FMNL1: variants seen among roughly 807,000 people sequenced by gnomAD.
The protein encoded by FMNL1 is formin-like protein 1.
A neutral mutation model predicts 121.3 loss-of-function variants in FMNL1; 43 were observed. That is an observed-to-expected ratio of 0.35 (90% CI 0.28 to 0.46). The LOEUF is 0.46. Among genes scored for constraint, FMNL1 ranks in the 20% least tolerant of loss-of-function variants. The pLI is 1.00. For missense variants in FMNL1, 1,191 were observed against 1,482.4 expected, an observed-to-expected ratio of 0.80 and a Z score of 3.23; for synonymous variants, 613 against 613.5, an observed-to-expected ratio of 1.00 and a Z score of 0.01.
intron 1 of FMNL1, among the ~76,000 whole-genome samples, chr17:45,228,951 G>T (rs2043384263): frequency 6.6e-6 from 1 of 152,208 alleles, no homozygotes; most frequent in Non-Finnish European, 1.5e-5. Context: ...TGTCTCTGTG[G>T]GGTGGGGGTG....
intron 10 of FMNL1, 134 bp downstream of exon 10, chr17:45,238,772 G>C: frequency 8.2e-7 from 1 of 1,221,364 alleles, no homozygotes; most frequent in East Asian, 2.4e-5. Context: ...GTAGGGGAAG[G>C]GTGGATGTTG....
At chr17:45,222,873 G>C (rs941872777) in intron 1 of FMNL1, among the ~76,000 whole-genome samples, 1 of 152,156 alleles carries the variant, frequency 6.6e-6, no homozygotes, top group African/African-American at 2.4e-5. Context: ...GGGTCAGGAC[G>C]GGTGGGTCGC....
chr17:45,233,840 AC>A lies in FMNL1; in HGVS notation c.485+112del, dbSNP rs1308269826. ...GTTTCAAGCCAGGCAGCCCGAGCCT[AC>A]CCTGGAACCCTCCACTTGGCCTTGA... On this transcript the variant is annotated intron_variant, in intron 5 of 26. Transcript: ENST00000331495. The surrounding 1 kb of genome is among the most constrained non-coding windows in gnomAD (Gnocchi z 4.1). 1 of 1,436,086 alleles carries A rather than the reference AC, an allele frequency of 7.0e-7. No individual in the cohort carries two copies. Among genetic ancestry groups the A allele is most frequent in the East Asian group, 2.4e-5 (1 of 40,904 alleles). 89.0% of individuals were successfully genotyped at this position (1,436,086 alleles called of 1,614,324 possible).
At chr17:45,230,927 G>T (rs1168725236) in intron 2 of FMNL1, among the ~76,000 whole-genome samples, 1 of 152,108 alleles carries the variant, frequency 6.6e-6, no homozygotes, top group Admixed American at 6.5e-5. Flanking sequence ...CTTCAGAGGA[G>T]CTGGCAGAGC....
rs1340627486 is a variant in FMNL1, at chr17:45,246,537, G to A, written c.3244G>A (p.Gly1082Ser). ...GACGGTGCCCTTCACGGCCCGCACC[G>A]GCAAGCGGACATCCCGGCTCCTCTG... The part of the protein sequence containing the change: ...IKTVPFTART[G>S]KRTSRLLCEA... Residue 1082 changes from glycine (G) to serine (S), a missense_variant, in exon 26 of 27, where the codon GGC becomes AGC. Gly to Ser is a moderately conservative substitution (Grantham distance 56). This residue lies in a region of FMNL1 where 367 missense variants were observed against 528.6 expected (regional missense o/e 0.69). Transcript: ENST00000331495. The A allele has an allele frequency of 2.0e-5, 33 of 1,613,600 alleles. No homozygotes were observed. Among genetic ancestry groups the A allele is most frequent in the Non-Finnish European group, 2.5e-5 (30 of 1,179,710 alleles).
Position 45,244,871 on chromosome 17 carries a change from A to G in FMNL1, c.2570A>G (p.Tyr857Cys), listed in dbSNP as rs1329541247. The G allele has an allele frequency of 6.2e-7, 1 of 1,613,826 alleles. No homozygotes were observed. The highest frequency in any genetic ancestry group is 1.7e-5 in the Admixed American group (1 of 60,012). The change falls in exon 20 of 27, where the codon TAT becomes TGT. Residue 857 changes from tyrosine (Y) to cysteine (C), a missense_variant. Physicochemically the swap from Tyr to Cys is radical, Grantham distance 194. Coordinates refer to ENST00000331495, the MANE Select transcript of FMNL1 (RefSeq NM_005892.4). ...YMNSSKRGAAYGFRLQSLDAL... is the reference protein window; with the variant it reads ...YMNSSKRGAACGFRLQSLDAL... ...AACAGTAGCAAGCGTGGGGCAGCCT[A>G]TGGCTTCCGGCTCCAGAGCCTGGAT...
At position 45,222,170 on chromosome 17, in the gene FMNL1, G is replaced by A. The variant is rs1288897757; in HGVS notation, c.46G>A (p.Ala16Thr). The A allele has an allele frequency of 1.6e-6, 2 of 1,217,944 alleles. No individual in the cohort carries two copies. Among genetic ancestry groups the A allele is most frequent in the African/African-American group, 1.6e-5 (1 of 62,290 alleles). 75.4% of individuals were successfully genotyped at this position (1,217,944 alleles called of 1,614,324 possible). The change falls in exon 1 of 27, where the codon GCG becomes ACG. Residue 16 changes from alanine to threonine, a missense_variant. By Grantham distance (58) the Ala-to-Thr change is moderately conservative. Transcript: ENST00000331495. ...GSAEQPAGPA[A>T]PPPKQPAPPK... ...CGCCGAGCAGCCCGCGGGCCCCGCC[G>A]CGCCGCCCCCCAAGCAGCCCGCGCC...
Position 45,241,690 on chromosome 17 carries a change from A to C in FMNL1, c.1585+56A>C. 3 of 1,452,338 alleles carry C rather than the reference A, an allele frequency of 2.1e-6. No individual in the cohort carries two copies. The highest frequency in any genetic ancestry group is 2.7e-6 in the Non-Finnish European group (3 of 1,107,400). The allele number at this position is 1,452,338 out of a possible 1,614,324, so 90.0% of individuals were successfully genotyped here. A position where few individuals can be genotyped will look rare whatever the true frequency, so the allele number is the denominator to read the frequency against. On this transcript the variant is annotated intron_variant, in intron 14 of 26. Coordinates refer to ENST00000331495, the MANE Select transcript of FMNL1 (RefSeq NM_005892.4). This position sits in a 1 kb window ranked among gnomAD's most constrained non-coding sequence, Gnocchi z 7.0. ...CGGGGCAGGGTCTGGAGGGGAGCCC[A>C]GGGGCATCTGTGGCGGGCAGAGTTG...
In FMNL1 at chr17:45,233,130, G is replaced by T; in HGVS notation, c.328-94G>T. 7.9e-7 allele frequency: 1 copy of T among 1,269,228 alleles called. No homozygotes were observed. 78.6% of individuals were successfully genotyped at this position (1,269,228 alleles called of 1,614,324 possible). The stretch of plus-strand genomic sequence containing the variant: ...TGAAAGGCCACTTGTGCCAGTTGGA[G>T]GAGGGTGGGCGCTGCTGCCTGCTGC... On this transcript the variant is annotated intron_variant, in intron 3 of 26. Coordinates refer to ENST00000331495, the MANE Select transcript of FMNL1 (RefSeq NM_005892.4). This position sits in a 1 kb window ranked among gnomAD's most constrained non-coding sequence, Gnocchi z 4.1.
rs77496285 is a variant in FMNL1 at position 45,237,273 on chromosome 17, C to T, written c.724-8C>T. 3,274 of 1,614,178 alleles carry T rather than the reference C, an allele frequency of 2.0e-3. 79 individuals carry two copies. In the Admixed American group the frequency reaches 0.031, roughly 15 times the overall value. On this transcript the variant is annotated splice_polypyrimidine_tract_variant and splice_region_variant and intron_variant, in intron 7 of 26. Coordinates refer to ENST00000331495, the MANE Select transcript of FMNL1 (RefSeq NM_005892.4). This position sits in a 1 kb window ranked among gnomAD's most constrained non-coding sequence, Gnocchi z 4.4. ...TCCTGGAGACACTGACCTCTCCTCT[C>T]TCCCCAGTCTGGCTTCAGCCTTGTC...
Position 45,233,957 on chromosome 17 carries a change from C to T in FMNL1, c.486-115C>T. On this transcript the variant is annotated intron_variant, in intron 5 of 26. Coordinates refer to ENST00000331495, the MANE Select transcript of FMNL1 (RefSeq NM_005892.4). This position sits in a 1 kb window ranked among gnomAD's most constrained non-coding sequence, Gnocchi z 4.1. ...CAGCACAGTGCCAAGAACACAGCCT[C>T]CTCCTCCTGCTCCTTAGTCTCACCT... 4 of 1,455,730 alleles carry T rather than the reference C, an allele frequency of 2.7e-6. No individual in the cohort carries two copies. Among genetic ancestry groups the T allele is most frequent in the Non-Finnish European group, 3.7e-6 (4 of 1,084,856 alleles). The allele number at this position is 1,455,730 out of a possible 1,614,324, so 90.2% of individuals were successfully genotyped here.
Position 45,237,307 on chromosome 17 carries a change from C to T in FMNL1, c.750C>T (p.His250=), listed in dbSNP as rs1191193743. The change falls in exon 8 of 27, where the codon CAC becomes CAT. Residue 250 remains histidine (H), a synonymous_variant. Coordinates refer to ENST00000331495, the MANE Select transcript of FMNL1 (RefSeq NM_005892.4). This position sits in a 1 kb window ranked among gnomAD's most constrained non-coding sequence, Gnocchi z 4.4. ...YQSGFSLVMN[H]PACVNEIALS... ...CTGGCTTCAGCCTTGTCATGAACCA[C>T]CCAGCCTGTGTCAATGAGATTGCTC... 1.9e-6 allele frequency: 3 copies of T among 1,614,218 alleles called. No individual in the cohort carries two copies. Among genetic ancestry groups the T allele is most frequent in the Non-Finnish European group, 2.5e-6 (3 of 1,180,042 alleles).
chr17:45,240,904 C>A, intron 12 of FMNL1: 1 of 695,406 alleles, frequency 1.4e-6, no homozygotes, highest in Non-Finnish European at 2.4e-6. Flanking sequence ...CCCCTCCCAG[C>A]TCAGTCTCCT....
rs1373593946 is a variant in FMNL1, at chr17:45,241,072, A to G, written c.1231-57A>G. On this transcript the variant is annotated intron_variant, in intron 12 of 26. Transcript: ENST00000331495. This position sits in a 1 kb window ranked among gnomAD's most constrained non-coding sequence, Gnocchi z 7.0. ...CAGGCATGCCTGATGCCGCCCCCTC[A>G]CCGGCGGTGCCAGTGCCGGGCTGCG... 1 of 1,599,376 alleles carries G rather than the reference A, an allele frequency of 6.3e-7. No individual in the cohort carries two copies. Among genetic ancestry groups the G allele is most frequent in the Non-Finnish European group, 8.5e-7 (1 of 1,170,484 alleles).
intron 26 of FMNL1, 32 bp downstream of exon 26, chr17:45,246,636 C>G: frequency 6.4e-7 from 1 of 1,555,210 alleles, no homozygotes. Flanking sequence ...TGATACCACG[C>G]TGCCCACAGC....
Position 45,245,622 on chromosome 17 carries a change from G to A in FMNL1, c.2893-10G>A. 6.2e-7 allele frequency: 1 copy of A among 1,613,822 alleles called. No individual in the cohort carries two copies. The highest frequency in any genetic ancestry group is 8.5e-7 in the Non-Finnish European group (1 of 1,179,702). ...GTCTAAGCTGGGGGGCTGACAGGCT[G>A]TGCCCACAGGAGGCCTTTGAGTCTG... On this transcript the variant is annotated splice_polypyrimidine_tract_variant and intron_variant, in intron 22 of 26. Transcript: ENST00000331495.
chr17:45,223,047 T>C (rs1300607974), intron 1 of FMNL1, among the ~76,000 whole-genome samples: 2 of 151,860 alleles, frequency 1.3e-5, no homozygotes, highest in African/African-American at 2.4e-5. Context: ...CAGAGCAGAC[T>C]CAGGGGTCTC....
chr17:45,241,719 G>A lies in FMNL1; in HGVS notation c.1585+85G>A. ...GCATCTGTGGCGGGCAGAGTTGGGC[G>A]AGGGAGGTTTGGATTGTAGGCTCGG... On this transcript the variant is annotated intron_variant, in intron 14 of 26. Coordinates refer to ENST00000331495, the MANE Select transcript of FMNL1 (RefSeq NM_005892.4). The surrounding 1 kb of genome is among the most constrained non-coding windows in gnomAD (Gnocchi z 7.0). 7.0e-7 allele frequency: 1 copy of A among 1,436,928 alleles called. No individual in the cohort carries two copies. The allele number at this position is 1,436,928 out of a possible 1,614,324, so 89.0% of individuals were successfully genotyped here.
Position 45,232,204 on chromosome 17 carries a change from C to T in FMNL1, c.214-163C>T, listed in dbSNP as rs114529542. 3.2e-3 allele frequency among the ~76,000 whole-genome samples: 491 copies of T among 152,252 alleles called. 7 individuals are homozygous for T. The highest frequency in any genetic ancestry group is 0.012 in the African/African-American group (482 of 41,544). ...AAGAAAAGAAAAAAAAAGAAAGTGG[C>T]TTGGTGGACTGTTTGGGTTTATACC... On this transcript the variant is annotated intron_variant, in intron 2 of 26. Coordinates refer to ENST00000331495, the MANE Select transcript of FMNL1 (RefSeq NM_005892.4).
Sources: allele counts gnomAD v4.1 joint callset (sites outside exome capture counted in the v4.1 genomes callset), GRCh38; gene constraint gnomAD v4.1.1; regional missense constraint gnomAD v4.1.1; non-coding constraint Gnocchi (gnomAD v3.1); transcripts MANE v1.5; gene names NCBI Gene and HGNC (gene_info 2026-07-23, HGNC 2026-07-21).